Variants in CCDC9 observed in about 807,000 individuals in gnomAD.
CCDC9 encodes the protein coiled-coil domain-containing protein 9.
In CCDC9, 52 loss-of-function variants were observed where a neutral mutation model predicts 65.6. The ratio of observed to expected loss-of-function variants is 0.79; its 90% CI spans 0.63 to 1.00. The LOEUF (loss-of-function observed/expected upper bound fraction) is 1.00, where lower values mean the gene tolerates loss of function less well. CCDC9 is among the 50% of genes least tolerant of loss of function. CCDC9 has a pLI of 0.00. For synonymous variants in CCDC9, 332 were observed against 280.3 expected, an observed-to-expected ratio of 1.18 and a Z score of -1.84; for missense variants, 834 against 757.2, an observed-to-expected ratio of 1.10 and a Z score of -1.19.
In CCDC9 at chr19:47,266,760, G is replaced by C. The variant is rs975095517; in HGVS notation, c.870G>C (p.Arg290Ser). ...ACCGCAAGCCCACTGGCCAGTGGAG[G>C]CGCGAGTGGGATGCCGAGAAGACCG... is the stretch of plus-strand genomic sequence containing the variant. Reference protein sequence around the residue: ...QRHRKPTGQWRREWDAEKTDG... With the variant: ...QRHRKPTGQWSREWDAEKTDG... The change falls in exon 8 of 12, where the codon AGG becomes AGC. Residue 290 changes from arginine to serine, a missense_variant. Physicochemically the swap from Arg to Ser is moderately radical, Grantham distance 110 (BLOSUM62 -1). Transcript: ENST00000221922. 3 of 1,609,606 alleles carry C rather than the reference G, an allele frequency of 1.9e-6. No homozygotes were observed. In the African/African-American group the frequency reaches 4.0e-5, roughly 21 times the overall value.
chr19:47,274,843 G>GC (rs1469679228), downstream of CCDC9: 11 of 932,676 alleles, frequency 1.2e-5, no homozygotes, highest in South Asian at 4.5e-4. Context: ...GAGCGGGGCG[G>GC]TCTGCGGGGT....
At position 47,266,722 on chromosome 19, in the gene CCDC9, C is replaced by A; in HGVS notation, c.832C>A (p.Arg278=). ...GGAGAGGGAGAAGATCGACCAGGAG[C>A]GGCTGCAGAGGCACCGCAAGCCCAC... ...KQEREKIDQE[R]LQRHRKPTGQ... is the part of the protein sequence containing the mutation. Residue 278 remains arginine (R), a synonymous_variant, in exon 8 of 12, where the codon CGG becomes AGG. Transcript: ENST00000221922. The A allele has an allele frequency of 6.2e-7, 1 of 1,611,736 alleles. No homozygotes were observed. Among genetic ancestry groups the A allele is most frequent in the Non-Finnish European group, 8.5e-7 (1 of 1,179,062 alleles).
downstream of CCDC9, chr19:47,275,027 C>G (rs759307056): frequency 6.7e-7 from 1 of 1,488,414 alleles, no homozygotes. Context: ...TATGCGCCTA[C>G]TTCCTCTGCG....
Position 47,271,242 on chromosome 19 carries a change from T to G in CCDC9, c.1192-32T>G, listed in dbSNP as rs770053060. ...GCCTGGGGTGGGGGCTCAGGACCTG[T>G]GCCTTGCCCTGACTTGCCTGTGTCC... On this transcript the variant is annotated intron_variant, in intron 11 of 11. Transcript: ENST00000221922. 4 of 1,609,228 alleles carry G rather than the reference T, an allele frequency of 2.5e-6. No homozygotes were observed. The African/African-American group carries it at 5.4e-5, about 22-fold the overall frequency.
At chr19:47,266,970 C>CTTT (rs1004084324) in intron 8 of CCDC9, among the ~76,000 whole-genome samples, 178 bp downstream of exon 8, 2 of 146,742 alleles carry the variant, frequency 1.4e-5, no homozygotes, top group Non-Finnish European at 3.0e-5. Context: ...TTCTGGTTTT[C>CTTT]TTTTTTTTTT....
chr19:47,262,365 C>T (rs2059051812), intron 5 of CCDC9, among the ~76,000 whole-genome samples: 1 of 152,034 alleles, frequency 6.6e-6, no homozygotes, highest in Non-Finnish European at 1.5e-5. Flanking sequence ...TACAGGTGTG[C>T]ACCACCACAC....
Position 47,271,367 on chromosome 19 carries a change from G to C in CCDC9, c.1285G>C (p.Glu429Gln). 2.5e-6 allele frequency: 4 copies of C among 1,613,710 alleles called. No individual in the cohort carries two copies. Among genetic ancestry groups the C allele is most frequent in the Non-Finnish European group, 3.4e-6 (4 of 1,179,826 alleles). Residue 429 changes from glutamate (E) to glutamine (Q), a missense_variant, in exon 12 of 12, where the codon GAG (glutamate) becomes CAG (glutamine). By Grantham distance (29) the Glu-to-Gln change is conservative. Coordinates refer to ENST00000221922, the MANE Select transcript of CCDC9 (RefSeq NM_015603.3). ...EEDEEWEDIS[E>Q]DEEEEEIEVE... ...GGATGAAGAATGGGAGGACATAAGT[G>C]AGGATGAGGAAGAGGAGGAGATCGA...
At chr19:47,270,501 G>A in intron 9 of CCDC9, 48 bp downstream of exon 9, 1 of 1,614,144 alleles carries the variant, frequency 6.2e-7, no homozygotes, top group Non-Finnish European at 8.5e-7. Flanking sequence ...GGGAGTCAGG[G>A]GTGGTGTGTG....
Position 47,260,572 on chromosome 19 carries a change from A to G in CCDC9, c.211-16A>G, listed in dbSNP as rs1361268174. The stretch of plus-strand genomic sequence containing the variant: ...CTGCCCCAGTGACTGTATTTTCCCC[A>G]TCTCCCCTCTTCCAGGAGAAGAACC... On this transcript the variant is annotated splice_polypyrimidine_tract_variant and intron_variant, in intron 4 of 11. Coordinates refer to ENST00000221922, the MANE Select transcript of CCDC9 (RefSeq NM_015603.3). 5 of 1,534,946 alleles carry G rather than the reference A, an allele frequency of 3.3e-6. No individual in the cohort carries two copies. In the Admixed American group the frequency reaches 1.0e-4, roughly 31 times the overall value.
Position 47,271,687 on chromosome 19 carries a change from G to T in CCDC9, c.*9G>T. 6.4e-7 allele frequency: 1 copy of T among 1,554,284 alleles called. No homozygotes were observed. Among genetic ancestry groups the T allele is most frequent in the South Asian group, 1.2e-5 (1 of 85,286 alleles). ...CTTTTGAGAGTGTATGAAGCTGGCT[G>T]CCTGTGTGTGTGTGTGTGTGTGTGT... On this transcript the variant is annotated 3_prime_UTR_variant, in exon 12 of 12. Coordinates refer to ENST00000221922, the MANE Select transcript of CCDC9 (RefSeq NM_015603.3).
chr19:47,274,071 C>T (rs951755151), downstream of CCDC9: 127 of 740,372 alleles, frequency 1.7e-4, 1 homozygote, highest in Middle Eastern at 4.1e-3. Context: ...AGGCTGTGTT[C>T]TTTCTACCCC....
chr19:47,268,734 G>A (rs1221004418), intron 8 of CCDC9, among the ~76,000 whole-genome samples: 1 of 151,776 alleles, frequency 6.6e-6, no homozygotes, highest in Non-Finnish European at 1.5e-5. Context: ...TGGCTAACAC[G>A]GTGAAACCCC....
At chr19:47,265,984 C>CTTTTTTTT (rs1158302196) in intron 7 of CCDC9, among the ~76,000 whole-genome samples, 2 of 72,626 alleles carry the variant, frequency 2.8e-5, no homozygotes, top group South Asian at 4.1e-4. Flanking sequence ...CCGCTCCTGG[C>CTTTTTTTT]TTTTTTTTTT....
chr19:47,264,498 C>A, intron 5 of CCDC9, 105 bp from the exon 6 acceptor site: 1 of 1,062,662 alleles, frequency 9.4e-7, no homozygotes, highest in Non-Finnish European at 1.4e-6. Flanking sequence ...TGCCAGCAGG[C>A]CAGTCCGAGG....
At chr19:47,274,028 A>G, downstream of CCDC9, 1 of 963,388 alleles carries the variant, frequency 1.0e-6, no homozygotes, top group Non-Finnish European at 1.2e-6. Context: ...CTTGATGGGG[A>G]GGGGGCGTGA....
rs753998276 is a variant in CCDC9, at chr19:47,271,434, A to T, written c.1352A>T (p.Gln451Leu). ...GDEEEPAQDHQAPEAAPTGIP... is the reference protein window; with the variant it reads ...GDEEEPAQDHLAPEAAPTGIP... ...GAGGAGGAACCAGCCCAAGACCACC[A>T]AGCCCCAGAGGCTGCCCCCACCGGG... Residue 451 changes from glutamine to leucine, a missense_variant, in exon 12 of 12, where the codon CAA becomes CTA. Physicochemically the swap from Gln to Leu is moderately radical, Grantham distance 113 (BLOSUM62 -2). Transcript: ENST00000221922. 3 of 1,613,918 alleles carry T rather than the reference A, an allele frequency of 1.9e-6. No individual in the cohort carries two copies. The Admixed American group carries it at 5.0e-5, about 27-fold the overall frequency.
Position 47,260,796 on chromosome 19 carries a change from T to C in CCDC9, c.419T>C (p.Leu140Pro). 1 of 1,613,320 alleles carries C rather than the reference T, an allele frequency of 6.2e-7. No individual in the cohort carries two copies. The highest frequency in any genetic ancestry group is 8.5e-7 in the Non-Finnish European group (1 of 1,179,646). Residue 140 changes from leucine to proline, a missense_variant, in exon 5 of 12, where the codon CTC becomes CCC. Coordinates refer to ENST00000221922, the MANE Select transcript of CCDC9 (RefSeq NM_015603.3). ...GGCCGGGGCCGAGGTTCACCTCACC[T>C]CTCTGGAGCTGGAGACACCTCAATC... ...RRGRGRGSPH[L>P]SGAGDTSISD...
rs567723167 is a variant in CCDC9 at position 47,264,882 on chromosome 19, A to G, written c.656A>G (p.His219Arg). The change falls in exon 7 of 12, where the codon CAC becomes CGC. Residue 219 changes from histidine to arginine, a missense_variant. By Grantham distance (29) the His-to-Arg change is conservative. Coordinates refer to ENST00000221922, the MANE Select transcript of CCDC9 (RefSeq NM_015603.3). ...ERDRREESRR[H>R]GRNWGGPDFE... ...GACCGCCGGGAGGAGAGCCGCCGGC[A>G]CGGCCGCAACTGGGGGGGCCCCGAC... 1.4e-6 allele frequency: 2 copies of G among 1,477,598 alleles called. No homozygotes were observed. The highest frequency in any genetic ancestry group is 1.8e-6 in the Non-Finnish European group (2 of 1,116,392). 91.5% of individuals were successfully genotyped at this position (1,477,598 alleles called of 1,614,324 possible). A position where few individuals can be genotyped will look rare whatever the true frequency, so the allele number is the denominator to read the frequency against.
At position 47,263,928 on chromosome 19, in the gene CCDC9, G is replaced by C. The variant is rs551774314; in HGVS notation, c.463-675G>C. Among the ~76,000 whole-genome samples, 488 of 151,354 alleles carry C rather than the reference G, an allele frequency of 3.2e-3. 1 individual carries two copies. The highest frequency in any genetic ancestry group is 5.2e-3 in the Non-Finnish European group (352 of 67,892). On this transcript the variant is annotated intron_variant, in intron 5 of 11. Transcript: ENST00000221922. ...GAGTCCTACTCTGTTGCCCAGGCTG[G>C]AGTGCAGTGGCACAATCTCGGCTCA...
Sources: gnomAD v4.1 joint callset for allele counts (sites outside exome capture counted in the v4.1 genomes callset) on GRCh38, gnomAD v4.1.1 for gene constraint, MANE v1.5 for transcripts, NCBI Gene and HGNC (gene_info 2026-07-23, HGNC 2026-07-21) for gene names.